The following ADAMTS18 variants were observed in gnomAD, a reference collection of about 807,000 sequenced individuals.
ADAMTS18 encodes the protein A disintegrin and metalloproteinase with thrombospondin motifs 18.
A neutral mutation model predicts 165.9 loss-of-function variants in ADAMTS18; 157 were observed. The observed-to-expected ratio is 0.95, with a 90% confidence interval of 0.83 to 1.08. The LOEUF (loss-of-function observed/expected upper bound fraction) is 1.08. ADAMTS18 is among the 50% of genes least tolerant of loss of function. The probability of loss-of-function intolerance (pLI) is 0.00; values close to 1 mark genes in which losing one functional copy is unlikely to be tolerated. For synonymous variants in ADAMTS18, 782 were observed against 578.2 expected (o/e 1.35, Z -5.06); for missense variants, 2,040 against 1,534.0 (o/e 1.33, Z -5.51).
At chr16:77,354,980 A>G (rs996308203) in intron 9 of ADAMTS18, among the ~76,000 whole-genome samples, 4 of 152,122 alleles carry the variant, frequency 2.6e-5, no homozygotes, top group African/African-American at 7.2e-5. Flanking sequence ...ATTTTTTACC[A>G]CCCTTTGGGC....
chr16:77,390,663 C>G (rs1005510490), intron 3 of ADAMTS18, among the ~76,000 whole-genome samples: 1 of 150,738 alleles, frequency 6.6e-6, no homozygotes, highest in East Asian at 2.0e-4. Context: ...GCACTTCAGC[C>G]TGGGTGACAG....
Position 77,431,476 on chromosome 16 carries a change from C to T in ADAMTS18, c.314G>A (p.Gly105Glu). 1 of 1,614,212 alleles carries T rather than the reference C, an allele frequency of 6.2e-7. No homozygotes were observed. The highest frequency in any genetic ancestry group is 1.6e-4 in the Middle Eastern group (1 of 6,062). Reference sequence around the variant, plus strand: ...CTTAAGTTCTAAGTGCAGTTCCTGTCCAAATGCTGAAAATCGGTAGTGCAG... The same window carrying T: ...CTTAAGTTCTAAGTGCAGTTCCTGTTCAAATGCTGAAAATCGGTAGTGCAG... ...SSLHYRFSAFGQELHLELKPS... is the reference protein window; with the variant it reads ...SSLHYRFSAFEQELHLELKPS... Residue 105 changes from glycine (G) to glutamate (E), a missense_variant, in exon 3 of 23, where the codon GGA becomes GAA. By Grantham distance (98) the Gly-to-Glu change is moderately conservative (BLOSUM62 -2). Coordinates refer to ENST00000282849, the MANE Select transcript of ADAMTS18 (RefSeq NM_199355.4).
At chr16:77,326,629 C>A (rs1366944765) in intron 12 of ADAMTS18, among the ~76,000 whole-genome samples, 5 of 152,182 alleles carry the variant, frequency 3.3e-5, no homozygotes, top group African/African-American at 1.2e-4. Flanking sequence ...GTGATCCACC[C>A]CCATCAGGCT....
At chr16:77,412,978 T>C (rs1353589041) in intron 3 of ADAMTS18, among the ~76,000 whole-genome samples, 5 of 152,128 alleles carry the variant, frequency 3.3e-5, no homozygotes, top group African/African-American at 4.8e-5. Context: ...ATTGCAAGCA[T>C]GAGACACCAT....
At chr16:77,409,682 A>C (rs965100080) in intron 3 of ADAMTS18, among the ~76,000 whole-genome samples, 1 of 152,154 alleles carries the variant, frequency 6.6e-6, no homozygotes, top group South Asian at 2.1e-4. Flanking sequence ...GGTCTGCTTC[A>C]TCAAACAAGC....
intron 12 of ADAMTS18, among the ~76,000 whole-genome samples, chr16:77,329,104 C>CTT (rs368507724): frequency 6.9e-6 from 1 of 145,612 alleles, no homozygotes; most frequent in Non-Finnish European, 1.5e-5. Context: ...GAGATTCTCT[C>CTT]TTTTTTTTTT....
intron 15 of ADAMTS18, 53 bp from the exon 16 acceptor site, chr16:77,320,146 A>G (rs2055969101): frequency 6.2e-7 from 1 of 1,610,260 alleles, no homozygotes; most frequent in Non-Finnish European, 8.5e-7. Flanking sequence ...ATTGGAGAAA[A>G]GGGACTAGAA....
intron 3 of ADAMTS18, chr16:77,378,791 T>G (rs1468517635): frequency 6.6e-6 from 1 of 152,164 alleles, no homozygotes; most frequent in Non-Finnish European, 1.5e-5. Flanking sequence ...AATACATATT[T>G]ATTATCATTA....
At chr16:77,402,712 A>G (rs573661736) in intron 3 of ADAMTS18, among the ~76,000 whole-genome samples, 1 of 152,380 alleles carries the variant, frequency 6.6e-6, no homozygotes, top group South Asian at 2.1e-4. Flanking sequence ...TTCACAAAAC[A>G]AAGTGAAGGC....
In ADAMTS18 at chr16:77,421,163, T is replaced by C. The variant is rs537197090; in HGVS notation, c.495+10132A>G. Among the ~76,000 whole-genome samples, 4 of 152,260 alleles carry C rather than the reference T, an allele frequency of 2.6e-5. No homozygotes were observed. The South Asian group carries it at 6.2e-4, about 24-fold the overall frequency. ...TAAAATATTCCCAAGCTCAGCAGCA[T>C]GAAAAAGCAATCAAAGGAATTCAGC... is the stretch of plus-strand genomic sequence containing the variant. On this transcript the variant is annotated intron_variant, in intron 3 of 22. Transcript: ENST00000282849.
intron 3 of ADAMTS18, among the ~76,000 whole-genome samples, chr16:77,421,384 A>C (rs1360508256): frequency 6.6e-6 from 1 of 152,264 alleles, no homozygotes; most frequent in African/African-American, 2.4e-5. Flanking sequence ...GGGTTTGTTC[A>C]CAGAGACGTG....
At chr16:77,329,685 A>G (rs1317028067) in intron 12 of ADAMTS18, among the ~76,000 whole-genome samples, 1 of 152,222 alleles carries the variant, frequency 6.6e-6, no homozygotes, top group Non-Finnish European at 1.5e-5. Flanking sequence ...GATATGGTCA[A>G]AGTGATCAAA....
intron 10 of ADAMTS18, among the ~76,000 whole-genome samples, chr16:77,345,579 G>A (rs185283385): frequency 3.3e-5 from 5 of 152,252 alleles, no homozygotes; most frequent in East Asian, 3.9e-4. Context: ...CCCTTGCCCA[G>A]TTTATTCTCA....
intron 3 of ADAMTS18, among the ~76,000 whole-genome samples, chr16:77,424,355 C>T (rs2057644122): frequency 6.6e-6 from 1 of 151,988 alleles, no homozygotes; most frequent in South Asian, 2.1e-4. Flanking sequence ...GTAATCCTAG[C>T]TACTCAGGAA....
chr16:77,292,375 A>C (rs933205006), intron 20 of ADAMTS18, among the ~76,000 whole-genome samples: 1 of 151,988 alleles, frequency 6.6e-6, no homozygotes, highest in Non-Finnish European at 1.5e-5. Context: ...TTTCCACCCC[A>C]TCCCATGTCC....
chr16:77,365,135 C>T (rs917594839), intron 4 of ADAMTS18, among the ~76,000 whole-genome samples: 3 of 151,862 alleles, frequency 2.0e-5, no homozygotes, highest in African/African-American at 7.3e-5. Flanking sequence ...TACGCATTTA[C>T]CTTTAAGATA....
At chr16:77,429,611 A>G (rs2057714744) in intron 3 of ADAMTS18, among the ~76,000 whole-genome samples, 1 of 152,208 alleles carries the variant, frequency 6.6e-6, no homozygotes, top group Non-Finnish European at 1.5e-5. Context: ...GGATAAAAAC[A>G]TCATGAAATC....
At chr16:77,395,347 G>A in intron 3 of ADAMTS18, among the ~76,000 whole-genome samples, 1 of 152,106 alleles carries the variant, frequency 6.6e-6, no homozygotes, top group Non-Finnish European at 1.5e-5. Context: ...CTGTTACTTG[G>A]CTTTCTACTC....
chr16:77,331,703 T>C (rs947105160), intron 12 of ADAMTS18, among the ~76,000 whole-genome samples: 14 of 152,186 alleles, frequency 9.2e-5, no homozygotes, highest in African/African-American at 2.6e-4. Context: ...CTGGTACTAG[T>C]AGGTCAAGGG....
Sources: allele counts gnomAD v4.1 joint callset (sites outside exome capture counted in the v4.1 genomes callset), GRCh38; gene constraint gnomAD v4.1.1; transcripts MANE v1.5; gene names NCBI Gene and HGNC (gene_info 2026-07-23, HGNC 2026-07-21).